PARD3B: variants seen among roughly 807,000 people sequenced by gnomAD.
The protein encoded by PARD3B is par-3 family cell polarity regulator beta.
A neutral mutation model predicts 130.2 loss-of-function variants in PARD3B; 103 were observed. That is an observed-to-expected ratio of 0.79 (90% CI 0.67 to 0.93). The LOEUF is 0.93. PARD3B is among the 40% of genes least tolerant of loss of function. PARD3B has a pLI of 0.00. For synonymous variants in PARD3B, 583 were observed against 553.2 expected (o/e 1.05, Z -0.76); for missense variants, 1,609 against 1,499.2 (o/e 1.07, Z -1.21).
At chr2:205,317,944 C>T (rs1329449821) in intron 18 of PARD3B, among the ~76,000 whole-genome samples, 1 of 151,972 alleles carries the variant, frequency 6.6e-6, no homozygotes, top group Non-Finnish European at 1.5e-5. Context: ...AATGTCTCAG[C>T]AGAGAATAAC....
intron 22 of PARD3B, among the ~76,000 whole-genome samples, chr2:205,554,559 G>A (rs11884357): frequency 0.029 from 4,436 of 152,028 alleles, 235 homozygotes; most frequent in African/African-American, 0.1. Context: ...AATAGATGTT[G>A]TCTAATAAGT....
At chr2:205,532,765 G>A (rs1406847944) in intron 21 of PARD3B, among the ~76,000 whole-genome samples, 2 of 152,138 alleles carry the variant, frequency 1.3e-5, no homozygotes. Context: ...GCCTAAGGAA[G>A]ATCACTAAGG....
intron 3 of PARD3B, among the ~76,000 whole-genome samples, chr2:205,025,009 C>A (rs1361230199): frequency 6.6e-6 from 1 of 152,150 alleles, no homozygotes; most frequent in Admixed American, 6.6e-5. Context: ...AGATGACCGA[C>A]ATTTTAGATG....
intron 2 of PARD3B, among the ~76,000 whole-genome samples, chr2:204,869,400 G>T (rs1255743992): frequency 6.6e-6 from 1 of 152,032 alleles, no homozygotes; most frequent in Non-Finnish European, 1.5e-5. Flanking sequence ...GTTACAAGTA[G>T]GATTGTGCTT....
In PARD3B at chr2:205,562,221, G is replaced by T. The variant is rs377217923; in HGVS notation, c.3260+8818G>T. Among the ~76,000 whole-genome samples the T allele has an allele frequency of 6.6e-6, 1 of 151,970 alleles. No individual in the cohort carries two copies. The highest frequency in any genetic ancestry group is 2.4e-5 in the African/African-American group (1 of 41,362). On this transcript the variant is annotated intron_variant, in intron 22 of 22. Coordinates refer to ENST00000406610, the MANE Select transcript of PARD3B (RefSeq NM_001302769.2). The surrounding 1 kb of genome is among the most constrained non-coding windows in gnomAD (Gnocchi z 5.4). ...TAATCAAACTTTTCATCATTTCCTCGTAGCCAATATATCCTTGATGCCAGT... is the reference window on the plus strand; with the variant it reads ...TAATCAAACTTTTCATCATTTCCTCTTAGCCAATATATCCTTGATGCCAGT...
In PARD3B at chr2:204,664,591, G is replaced by A. The variant is rs955919913; in HGVS notation, c.121-21590G>A. ...TTTTTATTTACACACACTTAAAAAT[G>A]GATCCTGGGTTTTAAGGAAATTTCC... On this transcript the variant is annotated intron_variant, in intron 1 of 22. Transcript: ENST00000406610. The surrounding 1 kb of genome is among the most constrained non-coding windows in gnomAD (Gnocchi z 5.2). Among the ~76,000 whole-genome samples, 2 of 152,110 alleles carry A rather than the reference G, an allele frequency of 1.3e-5. No homozygotes were observed. Among genetic ancestry groups the A allele is most frequent in the Admixed American group, 1.3e-4 (2 of 15,258 alleles).
At chr2:205,200,653 C>A (rs2036939248) in intron 15 of PARD3B, among the ~76,000 whole-genome samples, 1 of 152,154 alleles carries the variant, frequency 6.6e-6, no homozygotes, top group Non-Finnish European at 1.5e-5. Flanking sequence ...ACAAAGGCTG[C>A]AGTCTTACAG....
At chr2:205,317,280 A>G (rs1472100945) in intron 18 of PARD3B, among the ~76,000 whole-genome samples, 1 of 152,204 alleles carries the variant, frequency 6.6e-6, no homozygotes, top group South Asian at 2.1e-4. Context: ...ACCTACCTGC[A>G]ATATGTGTAT....
At chr2:204,774,502 T>A (rs2041527319) in intron 2 of PARD3B, among the ~76,000 whole-genome samples, 1 of 152,070 alleles carries the variant, frequency 6.6e-6, no homozygotes, top group Non-Finnish European at 1.5e-5. Flanking sequence ...TATTTTGAAT[T>A]ATTTTAGACC....
chr2:205,562,037 G>A lies in PARD3B; in HGVS notation c.3260+8634G>A, dbSNP rs1452068656. On this transcript the variant is annotated intron_variant, in intron 22 of 22. Coordinates refer to ENST00000406610, the MANE Select transcript of PARD3B (RefSeq NM_001302769.2). This position sits in a 1 kb window ranked among gnomAD's most constrained non-coding sequence, Gnocchi z 5.4. ...AATTAGCAGCGATTTAATTCTTTGTGAGATTAAGATGTCTCCATTGTCAAC... is the reference window on the plus strand; with the variant it reads ...AATTAGCAGCGATTTAATTCTTTGTAAGATTAAGATGTCTCCATTGTCAAC... Among the ~76,000 whole-genome samples the A allele has an allele frequency of 6.6e-6, 1 of 152,146 alleles. No homozygotes were observed. Among genetic ancestry groups the A allele is most frequent in the Non-Finnish European group, 1.5e-5 (1 of 68,038 alleles).
chr2:205,262,587 G>A (rs992479389), intron 16 of PARD3B, among the ~76,000 whole-genome samples: 2 of 152,042 alleles, frequency 1.3e-5, no homozygotes, highest in Non-Finnish European at 2.9e-5. Context: ...GTATAAGAAA[G>A]GGGAAGCACC....
intron 2 of PARD3B, among the ~76,000 whole-genome samples, chr2:204,710,137 C>A (rs150072055): frequency 6.6e-6 from 1 of 152,146 alleles, no homozygotes; most frequent in East Asian, 1.9e-4. Flanking sequence ...ATCAGGTCTT[C>A]TTCCTTCTTT....
At chr2:204,988,359 T>G (rs1693358838) in intron 3 of PARD3B, among the ~76,000 whole-genome samples, 1 of 152,084 alleles carries the variant, frequency 6.6e-6, no homozygotes, top group Non-Finnish European at 1.5e-5. Context: ...GTGGGGGGCA[T>G]GTGGAGGACA....
chr2:204,930,234 A>C (rs1432905982), intron 2 of PARD3B, among the ~76,000 whole-genome samples: 1 of 151,146 alleles, frequency 6.6e-6, no homozygotes, highest in Non-Finnish European at 1.5e-5. Context: ...TCTATCTAAC[A>C]TTTTGGAGTA....
intron 10 of PARD3B, among the ~76,000 whole-genome samples, chr2:205,126,463 A>T (rs2031408104): frequency 6.6e-6 from 1 of 152,126 alleles, no homozygotes; most frequent in Admixed American, 6.5e-5. Flanking sequence ...AGTACTTAAA[A>T]TGGTTTCTGT....
intron 13 of PARD3B, among the ~76,000 whole-genome samples, chr2:205,182,098 C>G (rs1294698442): frequency 2.6e-5 from 4 of 152,168 alleles, no homozygotes; most frequent in African/African-American, 2.4e-5. Context: ...CAAGATCATC[C>G]TGGCTAACAC....
intron 3 of PARD3B, among the ~76,000 whole-genome samples, chr2:205,029,398 A>G (rs1213098974): frequency 6.6e-6 from 1 of 151,978 alleles, no homozygotes; most frequent in African/African-American, 2.4e-5. Flanking sequence ...CTCATCCTAT[A>G]AGTGTCTTTC....
intron 3 of PARD3B, among the ~76,000 whole-genome samples, chr2:205,029,618 C>A (rs1164484759): frequency 6.6e-6 from 1 of 152,176 alleles, no homozygotes; most frequent in Non-Finnish European, 1.5e-5. Context: ...ACAGCGCTTT[C>A]CAGTGACTGC....
At chr2:204,754,376 A>G (rs886706016) in intron 2 of PARD3B, among the ~76,000 whole-genome samples, 9 of 152,192 alleles carry the variant, frequency 5.9e-5, no homozygotes, top group Non-Finnish European at 1.2e-4. Context: ...AGGGAACTCG[A>G]AAGGCAGTCT....
Sources: allele counts gnomAD v4.1 joint callset (sites outside exome capture counted in the v4.1 genomes callset), GRCh38; gene constraint gnomAD v4.1.1; non-coding constraint Gnocchi (gnomAD v3.1); transcripts MANE v1.5; gene names NCBI Gene and HGNC (gene_info 2026-07-23, HGNC 2026-07-21).